Variants in NRIP1 observed in about 807,000 individuals in gnomAD.
NRIP1 encodes the protein nuclear receptor-interacting protein 1.
In NRIP1, 28 loss-of-function variants were observed where a neutral mutation model predicts 75.0. The observed-to-expected ratio is 0.37, with a 90% CI of 0.28 to 0.51. The LOEUF (loss-of-function observed/expected upper bound fraction) is 0.51. Among genes scored for constraint, NRIP1 ranks in the 20% least tolerant of loss-of-function variants. NRIP1 has a pLI of 0.92. For missense variants in NRIP1, 1,435 were observed against 1,343.7 expected (o/e 1.07, Z -1.06); for synonymous variants, 526 against 487.6 (o/e 1.08, Z -1.04).
intron 3 of NRIP1, among the ~76,000 whole-genome samples, chr21:14,968,916 A>T (rs1406096172): frequency 6.6e-6 from 1 of 152,162 alleles, no homozygotes; most frequent in Admixed American, 6.5e-5. Context: ...GCTTCCTTAC[A>T]TTACTGGGCA....
chr21:14,976,847 A>G (rs1430191066), intron 3 of NRIP1, among the ~76,000 whole-genome samples: 1 of 152,192 alleles, frequency 6.6e-6, no homozygotes, highest in Admixed American at 6.5e-5. Flanking sequence ...ACTCCATTAA[A>G]AACACATTTA....
chr21:14,966,006 CTCTTT>C lies in NRIP1; in HGVS notation c.2182_2186del (p.Lys728GlufsTer7). ...TACTTTCATCTCTTAAGGGAGTTTTCTCTTTTTTTTCACTCTTCCCTTTGTTGGGG... is the reference window on the plus strand; with the variant it reads ...TACTTTCATCTCTTAAGGGAGTTTTCTTTTTCACTCTTCCCTTTGTTGGGG... On this transcript the variant is annotated frameshift_variant, in exon 4 of 4. Transcript: ENST00000318948. LOFTEE classifies it high-confidence loss of function. 1 of 1,611,796 alleles carries C rather than the reference CTCTTT, an allele frequency of 6.2e-7. No individual in the cohort carries two copies. The highest frequency in any genetic ancestry group is 8.5e-7 in the Non-Finnish European group (1 of 1,179,420).
chr21:15,039,818 A>G (rs2088914288), intron 2 of NRIP1, among the ~76,000 whole-genome samples: 1 of 152,082 alleles, frequency 6.6e-6, no homozygotes, highest in Non-Finnish European at 1.5e-5. Flanking sequence ...ACAGATTTTG[A>G]TTTTTTAGTT....
intron 3 of NRIP1, among the ~76,000 whole-genome samples, chr21:15,005,144 CAAAT>C (rs951974169): frequency 4.6e-5 from 7 of 152,190 alleles, no homozygotes; most frequent in Non-Finnish European, 8.8e-5. Context: ...AAAGCAATGA[CAAAT>C]AGATAGGAAT....
chr21:15,056,658 AGAT>A (rs2089315352), intron 1 of NRIP1, among the ~76,000 whole-genome samples: 1 of 152,206 alleles, frequency 6.6e-6, no homozygotes, highest in South Asian at 2.1e-4. Context: ...AACAAAACAC[AGAT>A]GTTTCCTTTG....
intron 1 of NRIP1, among the ~76,000 whole-genome samples, chr21:15,061,322 T>G (rs2089419331): frequency 6.6e-6 from 1 of 152,120 alleles, no homozygotes. Flanking sequence ...ACTCTGATTG[T>G]GTATCAATCA....
In NRIP1 at chr21:14,964,828, CTTAAA is replaced by C. The variant is rs778722176; in HGVS notation, c.3360_3364del (p.Asn1120LysfsTer6). 9 of 1,613,470 alleles carry C rather than the reference CTTAAA, an allele frequency of 5.6e-6. No individual in the cohort carries two copies. The highest frequency in any genetic ancestry group is 4.5e-5 in the East Asian group (2 of 44,880). ...TCCCATATGGCTATTGTAAGGGCTT[CTTAAA>C]TTAAAGAAAGAAGCTTTCGTTTCTG... On this transcript the variant is annotated frameshift_variant, in exon 4 of 4. Coordinates refer to ENST00000318948, the MANE Select transcript of NRIP1 (RefSeq NM_003489.4). LOFTEE classifies it high-confidence loss of function.
chr21:14,974,685 G>C (rs1387281383), intron 3 of NRIP1, among the ~76,000 whole-genome samples: 2 of 152,228 alleles, frequency 1.3e-5, no homozygotes, highest in East Asian at 1.9e-4. Flanking sequence ...CAAAACACTT[G>C]AGTGTTGAAT....
At chr21:14,991,528 G>A (rs1014518097) in intron 3 of NRIP1, among the ~76,000 whole-genome samples, 3 of 151,750 alleles carry the variant, frequency 2.0e-5, no homozygotes, top group South Asian at 4.2e-4. Context: ...GCTCTATCTT[G>A]TAGGACTGAT....
rs1345378840 is a variant in NRIP1, at chr21:14,966,207, C to T, written c.1986G>A (p.Pro662=). 7.4e-6 allele frequency: 12 copies of T among 1,613,638 alleles called. No individual in the cohort carries two copies. Among genetic ancestry groups the T allele is most frequent in the Non-Finnish European group, 1.0e-5 (12 of 1,179,888 alleles). ...TATTTAATCTATCAATCATACCTAT[C>T]GGTTTATCTGTGTTTCCAGTTAACA... ...KQLLTGNTDK[P]IGMIDRLNSP... is the part of the protein sequence containing the mutation. Residue 662 remains proline (P), a synonymous_variant, in exon 4 of 4, where the codon CCG becomes CCA. Transcript: ENST00000318948.
intron 3 of NRIP1, among the ~76,000 whole-genome samples, chr21:14,986,884 A>T (rs1040039909): frequency 5.3e-5 from 8 of 152,336 alleles, no homozygotes; most frequent in Admixed American, 1.3e-4. Flanking sequence ...ATTTTCCTCT[A>T]ATAATTTTGC....
At chr21:15,030,764 A>G (rs572165191) in intron 2 of NRIP1, among the ~76,000 whole-genome samples, 3 of 152,360 alleles carry the variant, frequency 2.0e-5, no homozygotes, top group East Asian at 1.9e-4. Flanking sequence ...CCCAAGGCCA[A>G]ATAAATTCAG....
chr21:15,019,899 C>T (rs1406672072), intron 2 of NRIP1, among the ~76,000 whole-genome samples: 1 of 152,116 alleles, frequency 6.6e-6, no homozygotes, highest in Non-Finnish European at 1.5e-5. Context: ...CACGGTGGCT[C>T]ACGCCTGCAA....
chr21:15,039,099 A>G (rs2088895524), intron 2 of NRIP1, among the ~76,000 whole-genome samples: 1 of 152,154 alleles, frequency 6.6e-6, no homozygotes. Context: ...GGTGGGCTTC[A>G]CTGAGAAGAC....
At chr21:15,009,941 G>T (rs1039552898) in intron 3 of NRIP1, among the ~76,000 whole-genome samples, 1 of 152,190 alleles carries the variant, frequency 6.6e-6, no homozygotes, top group Non-Finnish European at 1.5e-5. Context: ...ATTTTGAGAA[G>T]CACTAGCTTG....
Position 15,016,345 on chromosome 21 carries a change from G to T in NRIP1, c.-457-1879C>A, listed in dbSNP as rs75154103. Among the ~76,000 whole-genome samples, 2,287 of 152,186 alleles carry T rather than the reference G, an allele frequency of 0.015. 202 individuals are homozygous for T. The East Asian group carries it at 0.26, about 17-fold the overall frequency. The stretch of plus-strand genomic sequence containing the variant: ...CACATCAACTTAACAATAACCATAT[G>T]TGTAATTACATGAGTACTCCTATTA... On this transcript the variant is annotated intron_variant, in intron 2 of 3. Transcript: ENST00000318948.
intron 3 of NRIP1, among the ~76,000 whole-genome samples, chr21:15,000,867 T>C (rs2087834278): frequency 6.6e-6 from 1 of 152,212 alleles, no homozygotes; most frequent in African/African-American, 2.4e-5. Context: ...CCAAAGTTCT[T>C]TGAAAACATC....
rs2086650339 is a variant in NRIP1, at chr21:14,963,798, G to A, written c.*918C>T. 1 of 152,080 alleles carries A rather than the reference G, an allele frequency of 6.6e-6. No homozygotes were observed. The highest frequency in any genetic ancestry group is 1.5e-5 in the Non-Finnish European group (1 of 68,010). The allele number at this position is 152,080 out of a possible 1,614,324, so 9.4% of individuals were successfully genotyped here. On this transcript the variant is annotated 3_prime_UTR_variant, in exon 4 of 4. Coordinates refer to ENST00000318948, the MANE Select transcript of NRIP1 (RefSeq NM_003489.4). ...TCTGAGTTCAGGTTTAAGGAATCCT[G>A]GTCATAACACTCGCAGGTACCACAG...
intron 2 of NRIP1, among the ~76,000 whole-genome samples, chr21:15,038,941 G>A (rs1384267049): frequency 6.6e-6 from 1 of 151,932 alleles, no homozygotes; most frequent in African/African-American, 2.4e-5. Context: ...CCCAATTTTA[G>A]AAAGATTAAA....
Sources: gnomAD v4.1 joint callset for allele counts (sites outside exome capture counted in the v4.1 genomes callset) on GRCh38, gnomAD v4.1.1 for gene constraint, MANE v1.5 for transcripts, NCBI Gene and HGNC (gene_info 2026-07-23, HGNC 2026-07-21) for gene names.